SUGCT: variants seen among roughly 807,000 people sequenced by gnomAD.
SUGCT encodes succinyl-CoA:glutarate CoA-transferase.
A neutral mutation model predicts 55.0 loss-of-function variants in SUGCT; 41 were observed. The observed-to-expected ratio is 0.74, with a 90% CI of 0.58 to 0.97. The LOEUF (loss-of-function observed/expected upper bound fraction) is 0.97. Among genes scored for constraint, SUGCT ranks in the 50% least tolerant of loss-of-function variants. The pLI is 0.00. For synonymous variants in SUGCT, 187 were observed against 200.4 expected (o/e 0.93, Z 0.56); for missense variants, 568 against 547.8 (o/e 1.04, Z -0.37).
intron 12 of SUGCT, among the ~76,000 whole-genome samples, chr7:40,660,434 T>A (rs1181169507): frequency 6.6e-6 from 1 of 152,140 alleles, no homozygotes; most frequent in Non-Finnish European, 1.5e-5. Flanking sequence ...AATTTTTGTA[T>A]TTTTAGTAGA....
At chr7:40,279,413 G>T (rs1169795796) in intron 8 of SUGCT, among the ~76,000 whole-genome samples, 1 of 152,094 alleles carries the variant, frequency 6.6e-6, no homozygotes, top group African/African-American at 2.4e-5. Context: ...TTCCTCCAAA[G>T]AATGGCATGG....
intron 12 of SUGCT, among the ~76,000 whole-genome samples, chr7:40,533,419 T>C (rs1794197163): frequency 6.6e-6 from 1 of 152,138 alleles, no homozygotes; most frequent in African/African-American, 2.4e-5. Flanking sequence ...TATATTTTAC[T>C]ATAATTATGC....
intron 12 of SUGCT, among the ~76,000 whole-genome samples, chr7:40,621,164 T>G (rs939080892): frequency 1.3e-5 from 2 of 152,160 alleles, no homozygotes; most frequent in Non-Finnish European, 2.9e-5. Flanking sequence ...ATATATGTAT[T>G]ATTAGTATTG....
At chr7:41,003,357 A>G in the SUGCT span, among the ~76,000 whole-genome samples, 1 of 152,192 alleles carries the variant, frequency 6.6e-6, no homozygotes, top group Admixed American at 6.5e-5. Context: ...AAATAAACAG[A>G]TGGATAGAGA....
chr7:40,897,844 C>T, the SUGCT span, among the ~76,000 whole-genome samples: 2 of 152,088 alleles, frequency 1.3e-5, no homozygotes, highest in African/African-American at 2.4e-5. Context: ...TCTGTCAAAA[C>T]GGACCAATCA....
chr7:40,597,744 G>C (rs1445654769), intron 12 of SUGCT, among the ~76,000 whole-genome samples: 1 of 152,124 alleles, frequency 6.6e-6, no homozygotes, highest in East Asian at 1.9e-4. Context: ...GTTCCTCAAT[G>C]ATTGAAAGGA....
chr7:40,803,933 T>C (rs893351952), intron 13 of SUGCT, among the ~76,000 whole-genome samples: 13 of 152,328 alleles, frequency 8.5e-5, no homozygotes, highest in African/African-American at 2.6e-4. Flanking sequence ...GGAAACGATT[T>C]ATATTACTTT....
chr7:40,938,811 A>G, the SUGCT span, among the ~76,000 whole-genome samples: 2 of 151,842 alleles, frequency 1.3e-5, no homozygotes, highest in Admixed American at 1.3e-4. Flanking sequence ...TAGAATAATG[A>G]CCTCCAATTC....
intron 12 of SUGCT, among the ~76,000 whole-genome samples, chr7:40,716,268 G>GT (rs1417689907): frequency 6.6e-6 from 1 of 152,200 alleles, no homozygotes; most frequent in African/African-American, 2.4e-5. Context: ...GGTCAGAAGA[G>GT]TGGTCATCAG....
intron 6 of SUGCT, among the ~76,000 whole-genome samples, chr7:40,200,626 C>T (rs1033443689): frequency 1.3e-4 from 19 of 151,936 alleles, no homozygotes; most frequent in Admixed American, 2.6e-4. Flanking sequence ...GAGCAGTATG[C>T]TTGAAAAGAT....
intron 12 of SUGCT, among the ~76,000 whole-genome samples, chr7:40,631,442 C>G (rs1028386428): frequency 2.6e-5 from 4 of 152,160 alleles, no homozygotes; most frequent in African/African-American, 4.8e-5. Flanking sequence ...TTTCACCATT[C>G]AACAAATTCA....
chr7:40,733,175 A>G (rs1469813650), intron 12 of SUGCT, among the ~76,000 whole-genome samples: 3 of 152,150 alleles, frequency 2.0e-5, no homozygotes. Context: ...ATGTCACTCC[A>G]TTTTAGTTTC....
intron 9 of SUGCT, among the ~76,000 whole-genome samples, chr7:40,429,029 G>A (rs1043157525): frequency 5.3e-5 from 8 of 151,798 alleles, no homozygotes; most frequent in Admixed American, 4.6e-4. Flanking sequence ...GTATATTTAA[G>A]GTATGCAGCA....
intron 12 of SUGCT, among the ~76,000 whole-genome samples, chr7:40,558,093 C>A: frequency 7.0e-6 from 1 of 143,288 alleles, no homozygotes; most frequent in Non-Finnish European, 1.5e-5. Context: ...GATGGCTATT[C>A]CATACAAAAA....
chr7:40,475,042 A>G (rs1356230038), intron 11 of SUGCT, among the ~76,000 whole-genome samples: 1 of 152,140 alleles, frequency 6.6e-6, no homozygotes, highest in African/African-American at 2.4e-5. Context: ...CTCTTTTTGG[A>G]AGCTATGTGC....
intron 11 of SUGCT, among the ~76,000 whole-genome samples, chr7:40,464,055 A>G (rs746604754): frequency 3.8e-4 from 58 of 152,226 alleles, no homozygotes; most frequent in Non-Finnish European, 8.2e-4. Context: ...AATTGAAACT[A>G]GGAAGAGAGG....
At chr7:40,260,464 A>G (rs1476331388) in intron 7 of SUGCT, among the ~76,000 whole-genome samples, 1 of 152,176 alleles carries the variant, frequency 6.6e-6, no homozygotes, top group Non-Finnish European at 1.5e-5. Flanking sequence ...TAGCTATGGC[A>G]CTTGATTCCT....
chr7:40,557,794 G>T (rs1451392341), intron 12 of SUGCT, among the ~76,000 whole-genome samples: 1 of 148,720 alleles, frequency 6.7e-6, no homozygotes, highest in Non-Finnish European at 1.5e-5. Flanking sequence ...AAAGAAAAAA[G>T]AAAAAAGACA....
chr7:40,779,649 T>C (rs1235156174), intron 13 of SUGCT, among the ~76,000 whole-genome samples: 1 of 152,192 alleles, frequency 6.6e-6, no homozygotes, highest in Non-Finnish European at 1.5e-5. Context: ...TTGTTTATTT[T>C]ATTTGACCAT....
Sources: gnomAD v4.1 joint callset for allele counts (sites outside exome capture counted in the v4.1 genomes callset) on GRCh38, gnomAD v4.1.1 for gene constraint, MANE v1.5 for transcripts, NCBI Gene and HGNC (gene_info 2026-07-23, HGNC 2026-07-21) for gene names.